Variants in RPH3A observed in about 807,000 individuals in gnomAD.
The protein encoded by RPH3A is rabphilin 3A, also known as rabphilin-3A.
Under a neutral mutation model 102.2 loss-of-function variants are expected in RPH3A, and 48 were observed. The ratio of observed to expected loss-of-function variants is 0.47; its 90% confidence interval spans 0.37 to 0.60. The LOEUF is 0.60. RPH3A is among the 20% of genes least tolerant of loss of function. RPH3A has a pLI of 0.00. For synonymous variants in RPH3A, 310 were observed against 324.3 expected (o/e 0.96, Z 0.47); for missense variants, 781 against 910.1 (o/e 0.86, Z 1.83).
Position 112,606,765 on chromosome 12 carries a change from G to A in RPH3A, c.-140+31446G>A, listed in dbSNP as rs1210899592. On this transcript the variant is annotated intron_variant, in intron 1 of 21. Coordinates refer to the RPH3A transcript ENST00000543106. ...GCAACAGGAGAGAGTGAGAGAAGGG[G>A]GAGGTGCTAAACACTTTTGAACAAC... Among the ~76,000 whole-genome samples, 5 of 152,286 alleles carry A rather than the reference G, an allele frequency of 3.3e-5. No individual in the cohort carries two copies. The East Asian group carries it at 9.6e-4, about 29-fold the overall frequency.
chr12:112,794,423 T>C (rs112828194), intron 2 of RPH3A, among the ~76,000 whole-genome samples: 4 of 152,106 alleles, frequency 2.6e-5, no homozygotes, highest in African/African-American at 4.8e-5. Flanking sequence ...TTTGGGGTGA[T>C]TGGGGATAGG....
chr12:112,887,886 G>A lies in RPH3A; in HGVS notation c.1526G>A (p.Arg509Lys), dbSNP rs577981426. ...CTCAAGAAACTGAAGCCCAACCAGA[G>A]GAAGAATTTCAACATCTGCCTGGAG... ...FSLKKLKPNQ[R>K]KNFNICLERV... Residue 509 changes from arginine (R) to lysine (K), a missense_variant, in exon 17 of 22, where the codon AGG (arginine) becomes AAG (lysine). Physicochemically the swap from Arg to Lys is conservative, Grantham distance 26. Around this residue, in one of 2 missense-constraint regions of RPH3A, gnomAD observed 730 missense variants for 810.0 expected, o/e 0.90. Coordinates refer to ENST00000389385, the MANE Select transcript of RPH3A (RefSeq NM_001143854.2). The A allele has an allele frequency of 9.9e-6, 16 of 1,613,962 alleles. 1 individual carries two copies. The South Asian group carries it at 1.4e-4, about 14-fold the overall frequency.
At chr12:112,884,412 T>C (rs1282052482) in intron 16 of RPH3A, among the ~76,000 whole-genome samples, 1 of 152,232 alleles carries the variant, frequency 6.6e-6, no homozygotes, top group African/African-American at 2.4e-5. Flanking sequence ...CATTCTCAAG[T>C]ATGTCTTATA....
rs1358899302 is a variant in RPH3A, at chr12:112,580,795, T to C, written c.-140+5476T>C. 2.6e-5 allele frequency among the ~76,000 whole-genome samples: 4 copies of C among 152,162 alleles called. No individual in the cohort carries two copies. The East Asian group carries it at 5.8e-4, about 22-fold the overall frequency. On this transcript the variant is annotated intron_variant, in intron 1 of 21. Coordinates refer to the RPH3A transcript ENST00000543106. The stretch of plus-strand genomic sequence containing the variant: ...CTTTAATGTAGTTTAGTCAAGATAG[T>C]CTTTTTATGAACCAATTTGTGCAGA...
intron 4 of RPH3A, among the ~76,000 whole-genome samples, chr12:112,841,173 T>TAAAAAAAAAAA (rs11447068): frequency 6.0e-5 from 2 of 33,360 alleles, no homozygotes; most frequent in African/African-American, 1.4e-4. Flanking sequence ...CCTTGTTTCT[T>TAAAAAAAAAAA]AAAAAAAAAA....
chr12:112,598,466 G>A (rs563467500), intron 1 of RPH3A, among the ~76,000 whole-genome samples: 1 of 152,268 alleles, frequency 6.6e-6, no homozygotes, highest in Admixed American at 6.5e-5. Flanking sequence ...GTTTTCAATG[G>A]AATCAATAAA....
At chr12:112,874,954 G>A in intron 10 of RPH3A, 130 bp from the exon 11 acceptor site, 1 of 651,194 alleles carries the variant, frequency 1.5e-6, no homozygotes, top group Non-Finnish European at 2.6e-6. Context: ...AAAGAGCTGA[G>A]CGAGTGAGGA....
intron 1 of RPH3A, among the ~76,000 whole-genome samples, chr12:112,641,155 A>G (rs1379958932): frequency 6.6e-6 from 1 of 152,252 alleles, no homozygotes; most frequent in Non-Finnish European, 1.5e-5. Context: ...CATCGCAGAA[A>G]GCAAATTTTG....
chr12:112,844,199 G>A (rs1217991174), intron 4 of RPH3A, among the ~76,000 whole-genome samples: 3 of 152,182 alleles, frequency 2.0e-5, no homozygotes, highest in Non-Finnish European at 4.4e-5. Context: ...ACAGAATACA[G>A]CAAAGGGGAT....
chr12:112,816,787 G>A (rs1050701978), intron 2 of RPH3A, among the ~76,000 whole-genome samples: 3 of 152,086 alleles, frequency 2.0e-5, no homozygotes, highest in African/African-American at 7.2e-5. Context: ...TTTCAGAAAG[G>A]CTGAGATATT....
intron 1 of RPH3A, among the ~76,000 whole-genome samples, chr12:112,761,181 T>A (rs535453220): frequency 2.6e-5 from 4 of 152,300 alleles, no homozygotes; most frequent in African/African-American, 9.6e-5. Flanking sequence ...TGATTCTGAT[T>A]CACAGAGTTC....
At chr12:112,718,953 A>T (rs1461866867) in intron 1 of RPH3A, among the ~76,000 whole-genome samples, 1 of 152,224 alleles carries the variant, frequency 6.6e-6, no homozygotes, top group African/African-American at 2.4e-5. Flanking sequence ...AGAATTTATG[A>T]TTCCACCTTA....
intron 1 of RPH3A, among the ~76,000 whole-genome samples, chr12:112,580,972 T>C (rs2039396756): frequency 6.6e-6 from 1 of 152,208 alleles, no homozygotes; most frequent in Non-Finnish European, 1.5e-5. Flanking sequence ...CACACTGGCT[T>C]TGCGGGGAAC....
intron 1 of RPH3A, among the ~76,000 whole-genome samples, chr12:112,629,574 T>C (rs2039789829): frequency 6.7e-6 from 1 of 149,502 alleles, no homozygotes; most frequent in Non-Finnish European, 1.5e-5. Context: ...CCTCCTGGGC[T>C]CAAGCAATCC....
intron 1 of RPH3A, among the ~76,000 whole-genome samples, chr12:112,681,681 A>C (rs2040227180): frequency 6.6e-6 from 1 of 152,228 alleles, no homozygotes; most frequent in Non-Finnish European, 1.5e-5. Flanking sequence ...TTAAAGTGAA[A>C]TATATTAATC....
intron 1 of RPH3A, among the ~76,000 whole-genome samples, chr12:112,634,817 C>T (rs1054314053): frequency 6.6e-6 from 1 of 152,112 alleles, no homozygotes; most frequent in Non-Finnish European, 1.5e-5. Flanking sequence ...GTTGGGTGCT[C>T]GTGGAACTCT....
intron 1 of RPH3A, among the ~76,000 whole-genome samples, chr12:112,727,784 T>C (rs1333170750): frequency 1.3e-5 from 2 of 152,082 alleles, no homozygotes; most frequent in African/African-American, 4.8e-5. Context: ...AAGACCACAT[T>C]AGTAACTTAA....
At chr12:112,611,713 T>A (rs944854797) in intron 1 of RPH3A, among the ~76,000 whole-genome samples, 1 of 152,156 alleles carries the variant, frequency 6.6e-6, no homozygotes, top group African/African-American at 2.4e-5. Context: ...CCCGAAGTGC[T>A]GGGATTACAG....
intron 1 of RPH3A, among the ~76,000 whole-genome samples, chr12:112,599,511 T>A (rs1399882613): frequency 6.6e-6 from 1 of 152,222 alleles, no homozygotes; most frequent in South Asian, 2.1e-4. Flanking sequence ...AGGGTTTGTA[T>A]TGACCCTGCC....
Sources: allele counts gnomAD v4.1 joint callset (sites outside exome capture counted in the v4.1 genomes callset), GRCh38; gene constraint gnomAD v4.1.1; regional missense constraint gnomAD v4.1.1; transcripts MANE v1.5; gene names NCBI Gene and HGNC (gene_info 2026-07-23, HGNC 2026-07-21).